NTM: variants seen among roughly 807,000 people sequenced by gnomAD.
The protein encoded by NTM is neurotrimin.
Under a neutral mutation model 42.1 loss-of-function variants are expected in NTM, and 13 were observed. The observed-to-expected ratio is 0.31, with a 90% CI of 0.20 to 0.49. The LOEUF is 0.49. Ranked by LOEUF, NTM falls within the 20% of genes least tolerant of loss-of-function variation. NTM has a pLI of 0.99. For synonymous variants in NTM, 187 were observed against 179.2 expected, an observed-to-expected ratio of 1.04 and a Z score of -0.35; for missense variants, 373 against 452.8, an observed-to-expected ratio of 0.82 and a Z score of 1.60.
At chr11:131,671,484 T>C (rs540407446) in intron 1 of NTM, 1 of 985,344 alleles carries the variant, frequency 1.0e-6, no homozygotes, top group East Asian at 1.1e-4. Context: ...GTTGAATCAG[T>C]GTTAGCCCTG....
intron 1 of NTM, among the ~76,000 whole-genome samples, chr11:131,723,850 AAGAG>A (rs1384246649): frequency 1.3e-5 from 2 of 151,974 alleles, no homozygotes; most frequent in Non-Finnish European, 2.9e-5. Context: ...GTGCATGAGA[AAGAG>A]AGACAGACAA....
chr11:131,467,287 A>G (rs545621013), intron 1 of NTM, among the ~76,000 whole-genome samples: 6 of 152,280 alleles, frequency 3.9e-5, no homozygotes, highest in Admixed American at 3.3e-4. Flanking sequence ...GCTCCTGACA[A>G]TCATGCCCTT....
chr11:131,561,840 C>G (rs2056275718), intron 1 of NTM, among the ~76,000 whole-genome samples: 1 of 152,184 alleles, frequency 6.6e-6, no homozygotes, highest in Non-Finnish European at 1.5e-5. Context: ...TCTATGAAAT[C>G]AGGCAAACAG....
intron 2 of NTM, among the ~76,000 whole-genome samples, chr11:131,957,953 T>C (rs2061730944): frequency 1.3e-5 from 2 of 152,156 alleles, no homozygotes; most frequent in African/African-American, 4.8e-5. Context: ...CCTAGAAATG[T>C]TGCTGTAGGA....
intron 1 of NTM, among the ~76,000 whole-genome samples, chr11:131,388,430 T>A (rs975378948): frequency 6.6e-6 from 1 of 151,850 alleles, no homozygotes; most frequent in African/African-American, 2.4e-5. Context: ...TTGGGTTTTT[T>A]TTTTTTTTTT....
intron 1 of NTM, among the ~76,000 whole-genome samples, chr11:131,547,427 C>A (rs1174401784): frequency 6.6e-6 from 1 of 152,186 alleles, no homozygotes; most frequent in Admixed American, 6.5e-5. Flanking sequence ...CAACGTCTTG[C>A]ACGGGAAGAG....
chr11:132,194,816 T>C (rs2079910270), intron 3 of NTM, among the ~76,000 whole-genome samples: 1 of 112,886 alleles, frequency 8.9e-6, no homozygotes, highest in South Asian at 3.0e-4. Flanking sequence ...ATTTCTTCCT[T>C]TTTTTTTTTT....
At chr11:131,416,873 ATGT>A (rs1464523293) in intron 1 of NTM, among the ~76,000 whole-genome samples, 8 of 152,194 alleles carry the variant, frequency 5.3e-5, no homozygotes, top group Admixed American at 2.6e-4. Context: ...ATAAAAATAA[ATGT>A]TGTTCTCATT....
intron 1 of NTM, among the ~76,000 whole-genome samples, chr11:131,820,170 G>A (rs1459034818): frequency 6.6e-6 from 1 of 152,194 alleles, no homozygotes; most frequent in African/African-American, 2.4e-5. Context: ...ACAGCCTGGT[G>A]AGATTAACAA....
In NTM at chr11:131,721,925, G is replaced by A. The variant is rs2078383526; in HGVS notation, c.83-189639G>A. On this transcript the variant is annotated intron_variant, in intron 1 of 8. Coordinates refer to ENST00000683400, the MANE Select transcript of NTM (RefSeq NM_001352005.2). ...GAGGCAGGAGAATTACTTGAACCCAGGAGGTGGAGATTGCAGTGAGCCGAG... is the reference window on the plus strand; with the variant it reads ...GAGGCAGGAGAATTACTTGAACCCAAGAGGTGGAGATTGCAGTGAGCCGAG... Among the ~76,000 whole-genome samples, 3 of 149,000 alleles carry A rather than the reference G, an allele frequency of 2.0e-5. No individual in the cohort carries two copies. In the Admixed American group the frequency reaches 2.0e-4, roughly 10 times the overall value.
intron 1 of NTM, chr11:131,535,027 C>G (rs2051933532): frequency 6.6e-6 from 1 of 152,208 alleles, no homozygotes; most frequent in African/African-American, 2.4e-5. Context: ...TAAAATTCAC[C>G]TTGAGTTTGC....
intron 1 of NTM, among the ~76,000 whole-genome samples, chr11:131,730,995 A>G (rs2079606512): frequency 6.6e-6 from 1 of 152,228 alleles, no homozygotes; most frequent in Non-Finnish European, 1.5e-5. Flanking sequence ...CAGTGCATAG[A>G]ACTACGAGGC....
chr11:131,429,980 G>A lies in NTM; in HGVS notation c.82+59092G>A, dbSNP rs77531436. ...TAGGACAGGAACTGTATCTTGTTCAGTATACTCCTGTTACCTAGTGTCGAA... is the reference window on the plus strand; with the variant it reads ...TAGGACAGGAACTGTATCTTGTTCAATATACTCCTGTTACCTAGTGTCGAA... On this transcript the variant is annotated intron_variant, in intron 1 of 8. Coordinates refer to ENST00000683400, the MANE Select transcript of NTM (RefSeq NM_001352005.2). Among the ~76,000 whole-genome samples the A allele has an allele frequency of 8.2e-3, 1,246 of 152,250 alleles. 21 individuals are homozygous for A. Among genetic ancestry groups the A allele is most frequent in the African/African-American group, 0.029 (1,185 of 41,528 alleles).
chr11:131,671,405 A>G, intron 1 of NTM: 1 of 984,630 alleles, frequency 1.0e-6, no homozygotes, highest in Non-Finnish European at 1.2e-6. Context: ...CATTACCTGC[A>G]TATTCACAGG....
chr11:132,261,940 G>T (rs1466923747), intron 4 of NTM, among the ~76,000 whole-genome samples: 1 of 152,222 alleles, frequency 6.6e-6, no homozygotes, highest in Non-Finnish European at 1.5e-5. Context: ...TCCAGGGCTT[G>T]CCCCATGGGC....
At chr11:131,476,354 A>AC (rs1952940397) in intron 1 of NTM, among the ~76,000 whole-genome samples, 1 of 152,134 alleles carries the variant, frequency 6.6e-6, no homozygotes, top group South Asian at 2.1e-4. Flanking sequence ...TAGCAGCAGG[A>AC]CCCCAGCTAA....
At chr11:132,268,509 G>A (rs987208139) in intron 4 of NTM, among the ~76,000 whole-genome samples, 1 of 152,078 alleles carries the variant, frequency 6.6e-6, no homozygotes. Context: ...CGTGTTTGGT[G>A]AGGGAAGAAG....
At chr11:131,667,935 C>T (rs1330054560) in intron 1 of NTM, among the ~76,000 whole-genome samples, 1 of 152,224 alleles carries the variant, frequency 6.6e-6, no homozygotes, top group Non-Finnish European at 1.5e-5. Context: ...CCAAGGGCAC[C>T]TCTCTTCCAA....
intron 2 of NTM, among the ~76,000 whole-genome samples, chr11:131,982,584 G>T (rs2065423886): frequency 6.6e-6 from 1 of 152,058 alleles, no homozygotes; most frequent in Admixed American, 6.6e-5. Flanking sequence ...CCGTGTATGT[G>T]CCCTTTAAAG....
Sources: gnomAD v4.1 joint callset for allele counts (sites outside exome capture counted in the v4.1 genomes callset) on GRCh38, gnomAD v4.1.1 for gene constraint, MANE v1.5 for transcripts, NCBI Gene and HGNC (gene_info 2026-07-23, HGNC 2026-07-21) for gene names.